Variants in FSTL5 observed in about 807,000 individuals in gnomAD.
The protein encoded by FSTL5 is follistatin like 5, also known as follistatin-related protein 5.
In FSTL5, 62 loss-of-function variants were observed where a neutral mutation model predicts 89.1. That is an observed-to-expected ratio of 0.70 (90% CI 0.57 to 0.86). The LOEUF (loss-of-function observed/expected upper bound fraction) is 0.86, where lower values mean the gene tolerates loss of function less well. Among genes scored for constraint, FSTL5 ranks in the 40% least tolerant of loss-of-function variants. The pLI is 0.00. For synonymous variants in FSTL5, 383 were observed against 346.2 expected, an observed-to-expected ratio of 1.11 and a Z score of -1.18; for missense variants, 1,057 against 1,001.6, an observed-to-expected ratio of 1.06 and a Z score of -0.75.
chr4:161,943,757 G>A (rs1298115867), intron 3 of FSTL5, among the ~76,000 whole-genome samples: 4 of 151,318 alleles, frequency 2.6e-5, no homozygotes, highest in Non-Finnish European at 3.0e-5. Context: ...GGGTTTCACC[G>A]TGTTAGCCAG....
intron 3 of FSTL5, among the ~76,000 whole-genome samples, chr4:161,996,526 G>A (rs1279086395): frequency 5.9e-5 from 9 of 152,138 alleles, no homozygotes; most frequent in Non-Finnish European, 8.8e-5. Flanking sequence ...CCCCTTGCCC[G>A]TCTTGTCTCC....
At chr4:161,455,422 C>T (rs1245088611) in intron 14 of FSTL5, among the ~76,000 whole-genome samples, 1 of 151,906 alleles carries the variant, frequency 6.6e-6, no homozygotes, top group Non-Finnish European at 1.5e-5. Flanking sequence ...TACAAAAATC[C>T]TAATCTTCTT....
chr4:161,404,750 G>A (rs1389358293), intron 15 of FSTL5, among the ~76,000 whole-genome samples: 1 of 150,480 alleles, frequency 6.6e-6, no homozygotes, highest in Admixed American at 6.6e-5. Flanking sequence ...TTAAGAAGGG[G>A]AAAATTATTT....
At chr4:161,659,250 T>C (rs977405403) in intron 6 of FSTL5, among the ~76,000 whole-genome samples, 1 of 152,140 alleles carries the variant, frequency 6.6e-6, no homozygotes, top group Non-Finnish European at 1.5e-5. Context: ...TAACTATATA[T>C]TTGATAATTT....
chr4:162,114,490 TTCTC>T (rs1340804700), intron 1 of FSTL5, among the ~76,000 whole-genome samples: 1 of 150,888 alleles, frequency 6.6e-6, no homozygotes, highest in African/African-American at 2.4e-5. Flanking sequence ...CCCTCTCCTT[TTCTC>T]TCTCTCTTCT....
intron 3 of FSTL5, among the ~76,000 whole-genome samples, chr4:161,985,299 A>G (rs1274848058): frequency 2.0e-5 from 3 of 152,178 alleles, no homozygotes; most frequent in Non-Finnish European, 1.5e-5. Flanking sequence ...AACATTCTTC[A>G]TGAAACTTCA....
At chr4:161,754,015 C>T (rs1439211206) in intron 6 of FSTL5, among the ~76,000 whole-genome samples, 5 of 127,874 alleles carry the variant, frequency 3.9e-5, no homozygotes, top group Admixed American at 9.5e-5. Context: ...GCACTCCAGC[C>T]TGGGCGACAG....
intron 2 of FSTL5, among the ~76,000 whole-genome samples, chr4:162,074,317 C>A (rs2031004231): frequency 6.6e-6 from 1 of 151,566 alleles, no homozygotes; most frequent in African/African-American, 2.4e-5. Context: ...TTACCACATT[C>A]TTAGTAATGT....
At chr4:161,967,167 T>A (rs1735352398) in intron 3 of FSTL5, among the ~76,000 whole-genome samples, 1 of 152,026 alleles carries the variant, frequency 6.6e-6, no homozygotes, top group South Asian at 2.1e-4. Context: ...TTTAGTTTAG[T>A]TTACCTGAGA....
In FSTL5 at chr4:161,403,072, G is replaced by A. The variant is rs544262074; in HGVS notation, c.1842-16623C>T. Among the ~76,000 whole-genome samples the A allele has an allele frequency of 1.8e-3, 280 of 152,002 alleles. 2 individuals carry two copies. Among genetic ancestry groups the A allele is most frequent in the African/African-American group, 6.3e-3 (260 of 41,478 alleles). ...TCTTGATCTTCTGACCTCGTGATTC[G>A]CCTGCCTCGGCCTCCCAAAGTGCTG... On this transcript the variant is annotated intron_variant, in intron 15 of 15. Coordinates refer to ENST00000306100, the MANE Select transcript of FSTL5 (RefSeq NM_020116.5).
intron 12 of FSTL5, among the ~76,000 whole-genome samples, chr4:161,493,022 T>G (rs1053452620): frequency 1.3e-5 from 2 of 151,912 alleles, no homozygotes; most frequent in African/African-American, 2.4e-5. Context: ...GGAAAAAAAT[T>G]TAAAGAAATG....
At chr4:162,142,437 T>G (rs949397542) in intron 1 of FSTL5, among the ~76,000 whole-genome samples, 3 of 152,016 alleles carry the variant, frequency 2.0e-5, no homozygotes, top group South Asian at 2.1e-4. Context: ...AAAGAATATA[T>G]AGAGAGAAAT....
At chr4:161,714,264 GAGAATGTA>G (rs1395105329) in intron 6 of FSTL5, among the ~76,000 whole-genome samples, 1 of 151,964 alleles carries the variant, frequency 6.6e-6, no homozygotes, top group Non-Finnish European at 1.5e-5. Flanking sequence ...CTCACACAAG[GAGAATGTA>G]AATCAAAACC....
chr4:161,611,068 T>C (rs1734617588), intron 7 of FSTL5, among the ~76,000 whole-genome samples: 1 of 150,968 alleles, frequency 6.6e-6, no homozygotes. Flanking sequence ...ACACAGATGA[T>C]CTGCATAATT....
rs545199490 is a variant in FSTL5, at chr4:161,475,304, A to G, written c.1608+5716T>C. On this transcript the variant is annotated intron_variant, in intron 13 of 15. Transcript: ENST00000306100. Reference sequence around the variant, plus strand: ...TATTCTTATTTTTCTTCAAATTTGGAAAGTTTTTAGCCATTATTTCTCCAA... The same window carrying G: ...TATTCTTATTTTTCTTCAAATTTGGGAAGTTTTTAGCCATTATTTCTCCAA... Among the ~76,000 whole-genome samples the G allele has an allele frequency of 1.7e-3, 263 of 152,086 alleles. 1 individual carries two copies. Among genetic ancestry groups the G allele is most frequent in the Admixed American group, 2.9e-3 (45 of 15,276 alleles).
At chr4:161,511,565 T>G (rs1362122654) in intron 10 of FSTL5, among the ~76,000 whole-genome samples, 1 of 152,120 alleles carries the variant, frequency 6.6e-6, no homozygotes, top group Non-Finnish European at 1.5e-5. Flanking sequence ...GTTCTGAACA[T>G]GTAATGTACA....
At chr4:161,814,640 G>C (rs985089061) in intron 4 of FSTL5, among the ~76,000 whole-genome samples, 1 of 151,988 alleles carries the variant, frequency 6.6e-6, no homozygotes, top group African/African-American at 2.4e-5. Flanking sequence ...ATATGGCATT[G>C]GTTTTCTAAA....
At chr4:161,930,951 A>G (rs1381628497) in intron 3 of FSTL5, among the ~76,000 whole-genome samples, 2 of 151,888 alleles carry the variant, frequency 1.3e-5, no homozygotes, top group Admixed American at 6.6e-5. Context: ...AATAAATACT[A>G]CCTCAAAAGT....
At chr4:161,704,332 G>A (rs1738499606) in intron 6 of FSTL5, among the ~76,000 whole-genome samples, 1 of 152,066 alleles carries the variant, frequency 6.6e-6, no homozygotes, top group Admixed American at 6.6e-5. Context: ...TCCTTAAAAT[G>A]TGTAAAAGCA....
Sources: gnomAD v4.1 joint callset for allele counts (sites outside exome capture counted in the v4.1 genomes callset) on GRCh38, gnomAD v4.1.1 for gene constraint, MANE v1.5 for transcripts, NCBI Gene and HGNC (gene_info 2026-07-23, HGNC 2026-07-21) for gene names.